Variants in PSMA4 observed in about 807,000 individuals in gnomAD.
PSMA4 encodes the protein proteasome subunit alpha type-4.
In PSMA4, 8 loss-of-function variants were observed where a neutral mutation model predicts 37.2. The observed-to-expected ratio is 0.22, with a 90% confidence interval of 0.13 to 0.39. PSMA4 has a LOEUF of 0.39. Ranked by LOEUF, PSMA4 falls within the 10% of genes least tolerant of loss-of-function variation. The probability of loss-of-function intolerance (pLI) is 1.00; values close to 1 mark genes in which losing one functional copy is unlikely to be tolerated. For synonymous variants in PSMA4, 93 were observed against 98.8 expected, an observed-to-expected ratio of 0.94 and a Z score of 0.35; for missense variants, 169 against 305.1, an observed-to-expected ratio of 0.55 and a Z score of 3.32.
chr15:78,544,052 AGG>A (rs1422080841), intron 4 of PSMA4, 136 bp from the exon 5 acceptor site: 48 of 597,164 alleles, frequency 8.0e-5, no homozygotes, highest in Non-Finnish European at 1.3e-4. Context: ...TAAAACTTGT[AGG>A]TTTTTTCTGA....
chr15:78,540,652 G>A (rs2052428116), intron 1 of PSMA4, 113 bp downstream of exon 1: 1 of 152,174 alleles, frequency 6.6e-6, no homozygotes, highest in Non-Finnish European at 1.5e-5. Context: ...GAGGAGCCGT[G>A]GGCACGATGA....
At position 78,546,666 on chromosome 15, in the gene PSMA4, C is replaced by T; in HGVS notation, c.599C>T (p.Thr200Ile). The change falls in exon 8 of 9, where the codon ACC (threonine) becomes ATC (isoleucine). Residue 200 changes from threonine to isoleucine, a missense_variant. Physicochemically the swap from Thr to Ile is moderately conservative, Grantham distance 89. Transcript: ENST00000044462. ...TTAGCTATCAAAGTACTAAATAAGA[C>T]CATGGATGTTAGTAAACTCTCTGCT... The part of the protein sequence containing the change: ...LALAIKVLNK[T>I]MDVSKLSAEK... The T allele has an allele frequency of 6.2e-7, 1 of 1,603,160 alleles. No individual in the cohort carries two copies. The highest frequency in any genetic ancestry group is 8.5e-7 in the Non-Finnish European group (1 of 1,176,682).
rs1055744645 is a variant in PSMA4 at position 78,552,232 on chromosome 15, T to C, written c.*3288T>C. ...TCACTAATAGCAAGCATTTCATTAATCTGAGCAAAACTCATGGGTTTTCAC... is the reference window on the plus strand; with the variant it reads ...TCACTAATAGCAAGCATTTCATTAACCTGAGCAAAACTCATGGGTTTTCAC... On this transcript the variant is annotated 3_prime_UTR_variant, in exon 9 of 9. Transcript: ENST00000044462. 6 of 152,206 alleles carry C rather than the reference T, an allele frequency of 3.9e-5. No homozygotes were observed. The highest frequency in any genetic ancestry group is 1.4e-4 in the African/African-American group (6 of 41,456). The allele number at this position is 152,206 out of a possible 1,614,324, so 9.4% of individuals were successfully genotyped here.
intron 8 of PSMA4, 137 bp downstream of exon 8, chr15:78,546,835 A>G (rs2052562506): frequency 3.4e-6 from 3 of 877,680 alleles, no homozygotes; most frequent in Admixed American, 6.6e-5. Context: ...GCGCAATCTC[A>G]GCTCACTGCA....
In PSMA4 at chr15:78,549,034, C is replaced by T; in HGVS notation, c.*90C>T. ...ACTAGGAAGGCTTTACTTTTTTTAACTGGTGCAGTGGGAAAATAGGACATT... is the reference window on the plus strand; with the variant it reads ...ACTAGGAAGGCTTTACTTTTTTTAATTGGTGCAGTGGGAAAATAGGACATT... On this transcript the variant is annotated 3_prime_UTR_variant, in exon 9 of 9. Coordinates refer to ENST00000044462, the MANE Select transcript of PSMA4 (RefSeq NM_002789.6). 1 of 1,461,398 alleles carries T rather than the reference C, an allele frequency of 6.8e-7. No individual in the cohort carries two copies. The highest frequency in any genetic ancestry group is 9.0e-7 in the Non-Finnish European group (1 of 1,109,292). The allele number at this position is 1,461,398 out of a possible 1,614,324, so 90.5% of individuals were successfully genotyped here. A position where few individuals can be genotyped will look rare whatever the true frequency, so the allele number is the denominator to read the frequency against.
chr15:78,542,523 A>G lies in PSMA4; in HGVS notation c.87A>G (p.Gly29=). ...TTGAATATGCCATGGAAGCTATTGGACATGCAGGCACCTGTTTGGGAATTT... is the reference window on the plus strand; with the variant it reads ...TTGAATATGCCATGGAAGCTATTGGGCATGCAGGCACCTGTTTGGGAATTT... The part of the protein sequence containing the change: ...YQVEYAMEAI[G]HAGTCLGILA... The change falls in exon 4 of 9, where the codon GGA becomes GGG. Residue 29 remains glycine, a synonymous_variant. Coordinates refer to ENST00000044462, the MANE Select transcript of PSMA4 (RefSeq NM_002789.6). 6.2e-7 allele frequency: 1 copy of G among 1,614,118 alleles called. No homozygotes were observed. Among genetic ancestry groups the G allele is most frequent in the Non-Finnish European group, 8.5e-7 (1 of 1,180,028 alleles).
At position 78,547,335 on chromosome 15, in the gene PSMA4, A is replaced by C. The variant is rs137868760; in HGVS notation, c.631+637A>C. On this transcript the variant is annotated intron_variant, in intron 8 of 8. Transcript: ENST00000044462. ...TAACAGTTATCAAGTCTTCTCATCA[A>C]TGATATCTTTGCTTGTGTGTATATA... Among the ~76,000 whole-genome samples the C allele has an allele frequency of 6.0e-3, 909 of 152,288 alleles. 3 individuals carry two copies. Among genetic ancestry groups the C allele is most frequent in the Non-Finnish European group, 8.3e-3 (567 of 68,020 alleles).
At position 78,551,122 on chromosome 15, in the gene PSMA4, C is replaced by G. The variant is rs1567041716; in HGVS notation, c.*2178C>G. ...TATTGCAACAGCCTCCTAACTGGTT[C>G]CTTGCCTCCACTTCATTCCCCACAG... On this transcript the variant is annotated 3_prime_UTR_variant, in exon 9 of 9. Transcript: ENST00000044462. The G allele has an allele frequency of 1.3e-5, 2 of 152,224 alleles. No homozygotes were observed. The highest frequency in any genetic ancestry group is 2.9e-5 in the Non-Finnish European group (2 of 68,080). The allele number at this position is 152,224 out of a possible 1,614,324, so 9.4% of individuals were successfully genotyped here. A position where few individuals can be genotyped will look rare whatever the true frequency, so the allele number is the denominator to read the frequency against.
In PSMA4 at chr15:78,551,921, G is replaced by C. The variant is rs1198374425; in HGVS notation, c.*2977G>C. 1.3e-5 allele frequency: 2 copies of C among 152,160 alleles called. No individual in the cohort carries two copies. The highest frequency in any genetic ancestry group is 2.9e-5 in the Non-Finnish European group (2 of 68,034). The allele number at this position is 152,160 out of a possible 1,614,324, so 9.4% of individuals were successfully genotyped here. On this transcript the variant is annotated 3_prime_UTR_variant, in exon 9 of 9. Coordinates refer to ENST00000044462, the MANE Select transcript of PSMA4 (RefSeq NM_002789.6). ...CACATTAGGAAAGTCTTCAGAATTT[G>C]ACCCTAACAGCAGGCAAATTTCAAC... is the stretch of plus-strand genomic sequence containing the variant.
Position 78,549,000 on chromosome 15 carries a change from C to A in PSMA4, c.*56C>A. ...CCATTTCAGTGTAAAAGCAGTCCTACTCTTCCACACTAGGAAGGCTTTACT... is the reference window on the plus strand; with the variant it reads ...CCATTTCAGTGTAAAAGCAGTCCTAATCTTCCACACTAGGAAGGCTTTACT... On this transcript the variant is annotated 3_prime_UTR_variant, in exon 9 of 9. Transcript: ENST00000044462. 1 of 1,540,012 alleles carries A rather than the reference C, an allele frequency of 6.5e-7. No individual in the cohort carries two copies. The highest frequency in any genetic ancestry group is 8.7e-7 in the Non-Finnish European group (1 of 1,148,608).
rs527459203 is a variant in PSMA4 at position 78,548,713 on chromosome 15, A to G, written c.632-77A>G. 101 of 1,532,056 alleles carry G rather than the reference A, an allele frequency of 6.6e-5. No individual in the cohort carries two copies. In the African/African-American group the frequency reaches 1.0e-3, roughly 16 times the overall value. 94.9% of individuals were successfully genotyped at this position (1,532,056 alleles called of 1,614,324 possible). A position where few individuals can be genotyped will look rare whatever the true frequency, so the allele number is the denominator to read the frequency against. ...TTCAATGATGTGGCGAGCATAAACC[A>G]TGAGTGCCTATTAAGCTTCTCTGCT... On this transcript the variant is annotated intron_variant, in intron 8 of 8. Coordinates refer to ENST00000044462, the MANE Select transcript of PSMA4 (RefSeq NM_002789.6).
intron 7 of PSMA4, 127 bp from the exon 8 acceptor site, chr15:78,546,448 C>CAA (rs11350747): frequency 1.3e-3 from 841 of 655,810 alleles, no homozygotes; most frequent in East Asian, 3.8e-3. Flanking sequence ...GCCCCTGTGT[C>CAA]AAAAAAAAAA....
intron 1 of PSMA4, chr15:78,541,667 C>T (rs1418516625): frequency 8.2e-6 from 4 of 487,032 alleles, no homozygotes; most frequent in Non-Finnish European, 1.5e-5. Context: ...TCCCTTTTCC[C>T]ACCCTACCCC....
intron 4 of PSMA4, among the ~76,000 whole-genome samples, chr15:78,543,566 CT>C (rs11414100): frequency 6.4e-5 from 7 of 109,768 alleles, no homozygotes; most frequent in African/African-American, 1.7e-4. Context: ...CTAGCAAAAT[CT>C]TTTTTTTTTT....
intron 7 of PSMA4, 102 bp downstream of exon 7, chr15:78,545,866 C>T: frequency 2.4e-6 from 3 of 1,248,216 alleles, no homozygotes; most frequent in South Asian, 1.3e-5. Flanking sequence ...ATAGCTGCAA[C>T]AACCTTAATG....
Position 78,550,821 on chromosome 15 carries a change from A to G in PSMA4, c.*1877A>G, listed in dbSNP as rs777044336. 8 of 152,114 alleles carry G rather than the reference A, an allele frequency of 5.3e-5. No homozygotes were observed. The highest frequency in any genetic ancestry group is 1.0e-4 in the Non-Finnish European group (7 of 68,008). 9.4% of individuals were successfully genotyped at this position (152,114 alleles called of 1,614,324 possible). A position where few individuals can be genotyped will look rare whatever the true frequency, so the allele number is the denominator to read the frequency against. On this transcript the variant is annotated 3_prime_UTR_variant, in exon 9 of 9. Coordinates refer to ENST00000044462, the MANE Select transcript of PSMA4 (RefSeq NM_002789.6). The stretch of plus-strand genomic sequence containing the variant: ...GTGCACCTGGGTACTCAAAATTTTC[A>G]CCACTCTGCATGTCAACAAATGACT...
intron 4 of PSMA4, 168 bp downstream of exon 4, chr15:78,542,813 G>A (rs1192772647): frequency 1.6e-6 from 1 of 620,750 alleles, no homozygotes; most frequent in East Asian, 2.8e-5. Flanking sequence ...CTCCTTTTAA[G>A]TGCAGGGCAA....
chr15:78,546,768 CTTTTT>C (rs35886075), intron 8 of PSMA4, 70 bp downstream of exon 8: 123 of 1,163,680 alleles, frequency 1.1e-4, no homozygotes, highest in East Asian at 3.8e-4. Flanking sequence ...AGATTTTTTT[CTTTTT>C]TTTTTTTTTT....
chr15:78,546,500 ATTTTTC>A (rs1346445032), intron 7 of PSMA4, 69 bp from the exon 8 acceptor site: 4 of 1,366,384 alleles, frequency 2.9e-6, no homozygotes, highest in Admixed American at 5.5e-5. Context: ...TAATTCAGGC[ATTTTTC>A]TTCTAGACCA....
Sources: allele counts gnomAD v4.1 joint callset (sites outside exome capture counted in the v4.1 genomes callset), GRCh38; gene constraint gnomAD v4.1.1; transcripts MANE v1.5; gene names NCBI Gene and HGNC (gene_info 2026-07-23, HGNC 2026-07-21).